SERPINB7: variants seen among roughly 807,000 people sequenced by gnomAD.
SERPINB7 encodes the protein serpin B7.
In SERPINB7, 31 loss-of-function variants were observed where a neutral mutation model predicts 37.4. The ratio of observed to expected loss-of-function variants is 0.83; its 90% CI spans 0.62 to 1.12. The LOEUF is 1.12. Ranked by LOEUF, SERPINB7 falls within the 50% of genes most tolerant of loss-of-function variation. The pLI, the probability that SERPINB7 is intolerant of heterozygous loss-of-function variation, is 0.00. For synonymous variants in SERPINB7, 163 were observed against 166.1 expected, an observed-to-expected ratio of 0.98 and a Z score of 0.14; for missense variants, 521 against 455.3, an observed-to-expected ratio of 1.14 and a Z score of -1.31.
chr18:63,801,227 C>T (rs1465479873), intron 7 of SERPINB7, among the ~76,000 whole-genome samples: 4 of 152,136 alleles, frequency 2.6e-5, no homozygotes, highest in Non-Finnish European at 4.4e-5. Context: ...AGCATAATTT[C>T]AGTTGAGTAG....
At chr18:63,785,842 ACTC>A (rs1377541864) in intron 2 of SERPINB7, among the ~76,000 whole-genome samples, 1 of 147,860 alleles carries the variant, frequency 6.8e-6, no homozygotes, top group African/African-American at 2.5e-5. Flanking sequence ...TAAGCTACTT[ACTC>A]CTCTCTTCTC....
At position 63,782,439 on chromosome 18, in the gene SERPINB7, C is replaced by T; in HGVS notation, c.67C>T (p.Gln23Ter). Residue 23 changes from glutamine (Q) to a stop codon, truncating the protein, a stop_gained, in exon 2 of 8, where the codon CAA becomes TAA. Coordinates refer to ENST00000398019, the MANE Select transcript of SERPINB7 (RefSeq NM_003784.4). LOFTEE classifies it high-confidence loss of function. ...CCTGTTCAGAGAGATGGATGACAAT[C>T]AAGGAAATGGAAATGTGTTCTTTTC... ...FNLFREMDDN[Q>*]GNGNVFFSSL... The T allele has an allele frequency of 6.2e-7, 1 of 1,614,196 alleles. No individual in the cohort carries two copies. Among genetic ancestry groups the T allele is most frequent in the Non-Finnish European group, 8.5e-7 (1 of 1,180,014 alleles).
intron 1 of SERPINB7, among the ~76,000 whole-genome samples, chr18:63,755,165 A>G (rs1422395604): frequency 6.6e-6 from 1 of 151,972 alleles, no homozygotes; most frequent in African/African-American, 2.4e-5. Flanking sequence ...CGGCCTCCCA[A>G]AGTGCTGGGA....
intron 1 of SERPINB7, among the ~76,000 whole-genome samples, chr18:63,763,210 A>C (rs989983937): frequency 6.6e-6 from 1 of 152,170 alleles, no homozygotes; most frequent in African/African-American, 2.4e-5. Flanking sequence ...TATTACAGGA[A>C]ATTGTTGAAA....
chr18:63,780,722 T>C (rs553101054), intron 1 of SERPINB7, among the ~76,000 whole-genome samples: 1 of 152,350 alleles, frequency 6.6e-6, no homozygotes, highest in East Asian at 1.9e-4. Flanking sequence ...TCTCACCTTA[T>C]GTGCCTAGGG....
chr18:63,758,356 T>C (rs531664734), intron 1 of SERPINB7, among the ~76,000 whole-genome samples: 17 of 152,196 alleles, frequency 1.1e-4, no homozygotes, highest in Non-Finnish European at 2.2e-4. Flanking sequence ...TTCTGCCTGA[T>C]AGGACTTCAA....
intron 4 of SERPINB7, among the ~76,000 whole-genome samples, chr18:63,795,287 G>T (rs549979043): frequency 6.6e-6 from 1 of 152,286 alleles, no homozygotes; most frequent in African/African-American, 2.4e-5. Context: ...GGGACCAGGC[G>T]TGGTAGCTCA....
At chr18:63,803,956 G>A (rs541986424) in intron 7 of SERPINB7, among the ~76,000 whole-genome samples, 7 of 152,150 alleles carry the variant, frequency 4.6e-5, no homozygotes, top group Non-Finnish European at 8.8e-5. Flanking sequence ...CTCCACGTTG[G>A]CTGTATCTGC....
At chr18:63,800,799 T>C (rs2049538938) in intron 6 of SERPINB7, 67 bp from the exon 7 acceptor site, 2 of 1,538,902 alleles carry the variant, frequency 1.3e-6, no homozygotes, top group Non-Finnish European at 1.8e-6. Context: ...AATATTCTTA[T>C]ATGTATTTGG....
Position 63,804,926 on chromosome 18 carries a change from G to C in SERPINB7, c.*291G>C. 2 of 366,164 alleles carry C rather than the reference G, an allele frequency of 5.5e-6. No homozygotes were observed. 22.7% of individuals were successfully genotyped at this position (366,164 alleles called of 1,614,324 possible). ...CCCCATGACCCGTCTGGAAATTATG[G>C]AGAGTGCTCAACTGGTAAGGAGAAC... On this transcript the variant is annotated 3_prime_UTR_variant, in exon 8 of 8. Coordinates refer to ENST00000398019, the MANE Select transcript of SERPINB7 (RefSeq NM_003784.4).
chr18:63,779,042 A>G (rs2049277467), intron 1 of SERPINB7, among the ~76,000 whole-genome samples: 1 of 152,158 alleles, frequency 6.6e-6, no homozygotes, highest in Non-Finnish European at 1.5e-5. Flanking sequence ...CTGCATTGCC[A>G]TGTCCAGACA....
At chr18:63,781,631 T>C (rs575230245) in intron 1 of SERPINB7, among the ~76,000 whole-genome samples, 1 of 152,238 alleles carries the variant, frequency 6.6e-6, no homozygotes, top group Non-Finnish European at 1.5e-5. Flanking sequence ...CAACCGTCTG[T>C]ATTGCAGAAA....
upstream of SERPINB7, among the ~76,000 whole-genome samples, chr18:63,773,819 C>T (rs2049225617): frequency 6.6e-6 from 1 of 152,066 alleles, no homozygotes; most frequent in South Asian, 2.1e-4. Flanking sequence ...GTTGCAAACA[C>T]AGTAGTGGGA....
chr18:63,803,481 T>A (rs2049571538), intron 7 of SERPINB7, among the ~76,000 whole-genome samples: 1 of 152,242 alleles, frequency 6.6e-6, no homozygotes. Flanking sequence ...ATCTTCTTAT[T>A]CTAAATTGAG....
intron 6 of SERPINB7, among the ~76,000 whole-genome samples, chr18:63,799,966 G>T (rs1351609168): frequency 6.6e-6 from 1 of 152,106 alleles, no homozygotes; most frequent in Admixed American, 6.5e-5. Flanking sequence ...CAAGATAAGA[G>T]CTACTTATTT....
At chr18:63,783,235 A>AAAGAAAGAAAGAAAGAAAGAAAGAAAG (rs2049328695) in intron 2 of SERPINB7, among the ~76,000 whole-genome samples, 1 of 69,114 alleles carries the variant, frequency 1.4e-5, no homozygotes, top group African/African-American at 4.4e-5. Flanking sequence ...AGAGAGAGAG[A>AAAGAAAGAAAGAAAGAAAGAAAGAAAG]AAGAAAGAAA....
chr18:63,800,835 C>A, intron 6 of SERPINB7, 31 bp from the exon 7 acceptor site: 3 of 1,609,010 alleles, frequency 1.9e-6, no homozygotes, highest in South Asian at 1.1e-5. Flanking sequence ...GAGGTGGGAT[C>A]ATAAATAATT....
chr18:63,800,686 T>C (rs1027445101), intron 6 of SERPINB7, among the ~76,000 whole-genome samples, 180 bp from the exon 7 acceptor site: 1 of 152,324 alleles, frequency 6.6e-6, no homozygotes, highest in Non-Finnish European at 1.5e-5. Flanking sequence ...AAATTTGAAG[T>C]CTTGGCTTTA....
At chr18:63,797,346 T>C (rs1423799255) in intron 5 of SERPINB7, among the ~76,000 whole-genome samples, 39 of 152,210 alleles carry the variant, frequency 2.6e-4, no homozygotes, top group Non-Finnish European at 1.3e-4. Flanking sequence ...CATTCATTCC[T>C]CATTATATTC....
Sources: gnomAD v4.1 joint callset for allele counts (sites outside exome capture counted in the v4.1 genomes callset) on GRCh38, gnomAD v4.1.1 for gene constraint, MANE v1.5 for transcripts, NCBI Gene and HGNC (gene_info 2026-07-23, HGNC 2026-07-21) for gene names.